CREB5: variants seen among roughly 807,000 people sequenced by gnomAD.
The protein encoded by CREB5 is cAMP responsive element binding protein 5, also known as cyclic AMP-responsive element-binding protein 5.
Under a neutral mutation model 57.1 loss-of-function variants are expected in CREB5, and 19 were observed. That is an observed-to-expected ratio of 0.33 (90% CI 0.23 to 0.49). The LOEUF (loss-of-function observed/expected upper bound fraction) is 0.49. CREB5 is among the 20% of genes least tolerant of loss of function. CREB5 has a pLI of 0.99. For missense variants in CREB5, 579 were observed against 671.6 expected, an observed-to-expected ratio of 0.86 and a Z score of 1.52; for synonymous variants, 238 against 238.3, an observed-to-expected ratio of 1.00 and a Z score of 0.01.
At chr7:28,818,297 A>G in intron 10 of CREB5, 118 bp downstream of exon 10, 1 of 698,562 alleles carries the variant, frequency 1.4e-6, no homozygotes, top group South Asian at 1.8e-5. Flanking sequence ...AGGCAGATAT[A>G]CAAGAATTCT....
At chr7:28,468,647 G>A (rs970303715) in intron 1 of CREB5, among the ~76,000 whole-genome samples, 10 of 152,142 alleles carry the variant, frequency 6.6e-5, no homozygotes, top group South Asian at 2.1e-4. Flanking sequence ...CACTCTCATC[G>A]TCTCCCTTGA....
At position 28,412,892 on chromosome 7, in the gene CREB5, T is replaced by A. The variant is rs1239809713; in HGVS notation, c.-23T>A. On this transcript the variant is annotated 5_prime_UTR_variant, in exon 1 of 11. In the 5' UTR this introduces an upstream ATG that the reference lacks. Coordinates refer to ENST00000357727, the MANE Select transcript of CREB5 (RefSeq NM_182898.4). Reference sequence around the variant, plus strand: ...TTTGGTGACTGCAGGAAGCAACACGTTGCTGCTTTTATTCTACAGATAATG... The same window carrying A: ...TTTGGTGACTGCAGGAAGCAACACGATGCTGCTTTTATTCTACAGATAATG... 17 of 1,491,900 alleles carry A rather than the reference T, an allele frequency of 1.1e-5. No homozygotes were observed. Among genetic ancestry groups the A allele is most frequent in the Non-Finnish European group, 1.4e-5 (16 of 1,118,126 alleles). 92.4% of individuals were successfully genotyped at this position (1,491,900 alleles called of 1,614,324 possible). A position where few individuals can be genotyped will look rare whatever the true frequency, so the allele number is the denominator to read the frequency against.
At chr7:28,744,054 T>A (rs1804553456) in intron 7 of CREB5, among the ~76,000 whole-genome samples, 1 of 107,224 alleles carries the variant, frequency 9.3e-6, no homozygotes, top group African/African-American at 3.5e-5. Context: ...CCTGTGTCCA[T>A]GTGATCTCAT....
chr7:28,601,211 G>A (rs776679111), intron 5 of CREB5, among the ~76,000 whole-genome samples: 2 of 151,776 alleles, frequency 1.3e-5, no homozygotes, highest in Admixed American at 1.3e-4. Context: ...GTTAGCCTCA[G>A]TAGAATCTAT....
At chr7:28,408,865 C>G (rs1442367290), upstream of CREB5, among the ~76,000 whole-genome samples, 1 of 152,152 alleles carries the variant, frequency 6.6e-6, no homozygotes, top group Non-Finnish European at 1.5e-5. Flanking sequence ...CAAAAAGGAG[C>G]TGGACATCCT....
chr7:28,354,975 G>A (rs1359059368), intron 1 of CREB5, among the ~76,000 whole-genome samples: 1 of 152,144 alleles, frequency 6.6e-6, no homozygotes, highest in Non-Finnish European at 1.5e-5. Context: ...AAACCAATGG[G>A]GCCTAGCCAC....
In CREB5 at chr7:28,382,783, G is replaced by A. The variant is rs6979561; in HGVS notation, c.-25+83342G>A. 7.9e-3 allele frequency among the ~76,000 whole-genome samples: 1,205 copies of A among 151,856 alleles called. 15 individuals carry two copies. The highest frequency in any genetic ancestry group is 0.028 in the African/African-American group (1,155 of 41,362). On this transcript the variant is annotated intron_variant, in intron 1 of 9. Coordinates refer to the CREB5 transcript ENST00000396299. ...TCAAACCACATACTTGTCAGATAAA[G>A]GGGTCATGATACTCACCTGGCAGCA...
chr7:28,299,708 G>A, intron 1 of CREB5, among the ~76,000 whole-genome samples: 1 of 152,234 alleles, frequency 6.6e-6, no homozygotes, highest in East Asian at 1.9e-4. Flanking sequence ...CTTAGGAAGT[G>A]TTATTCACTA....
At chr7:28,558,743 G>A (rs1476235383) in intron 4 of CREB5, among the ~76,000 whole-genome samples, 2 of 152,168 alleles carry the variant, frequency 1.3e-5, no homozygotes, top group East Asian at 3.9e-4. Context: ...TATATCATTA[G>A]CAGCTTTCCA....
At position 28,326,209 on chromosome 7, in the gene CREB5, CTACCTAT is replaced by C. The variant is rs1480936357; in HGVS notation, c.-25+26769_-25+26775del. 1.0e-4 allele frequency among the ~76,000 whole-genome samples: 12 copies of C among 120,578 alleles called. No homozygotes were observed. The Middle Eastern group carries it at 0.015, about 149-fold the overall frequency. The allele number at this position is 120,578 out of a possible 152,430, so 79.1% of individuals were successfully genotyped here. On this transcript the variant is annotated intron_variant, in intron 1 of 9. Transcript: ENST00000396299. ...TCTATCTATCTATCTATCTATCTAT[CTACCTAT>C]CTATCTTGAAAAACATGAGTTCACA... is the stretch of plus-strand genomic sequence containing the variant.
intron 1 of CREB5, among the ~76,000 whole-genome samples, chr7:28,383,070 G>A (rs532099062): frequency 6.6e-6 from 1 of 152,270 alleles, no homozygotes; most frequent in East Asian, 1.9e-4. Context: ...GAGTGGTGTG[G>A]TGATGAAGGC....
At chr7:28,749,127 G>C (rs979847512) in intron 7 of CREB5, among the ~76,000 whole-genome samples, 1 of 152,186 alleles carries the variant, frequency 6.6e-6, no homozygotes, top group African/African-American at 2.4e-5. Flanking sequence ...TTCTCTGAGT[G>C]TTTCAGCATC....
intron 5 of CREB5, among the ~76,000 whole-genome samples, chr7:28,657,468 T>C (rs961689268): frequency 6.6e-6 from 1 of 152,114 alleles, no homozygotes; most frequent in Non-Finnish European, 1.5e-5. Context: ...TTGTGGCTCA[T>C]GCCTGTAATC....
intron 1 of CREB5, among the ~76,000 whole-genome samples, chr7:28,447,562 G>A (rs1407460423): frequency 3.3e-5 from 5 of 152,168 alleles, no homozygotes; most frequent in African/African-American, 4.8e-5. Flanking sequence ...AGCAGTACCC[G>A]AGAATGTTCA....
At chr7:28,647,160 C>T (rs538239649) in intron 5 of CREB5, among the ~76,000 whole-genome samples, 1 of 151,480 alleles carries the variant, frequency 6.6e-6, no homozygotes, top group African/African-American at 2.4e-5. Flanking sequence ...CTCCAGATGA[C>T]CAGCAGTGAT....
At chr7:28,786,314 T>G (rs1807322694) in intron 7 of CREB5, among the ~76,000 whole-genome samples, 2 of 152,150 alleles carry the variant, frequency 1.3e-5, no homozygotes, top group South Asian at 4.1e-4. Flanking sequence ...TGACACAATC[T>G]CGGGTTACTG....
intron 1 of CREB5, among the ~76,000 whole-genome samples, chr7:28,348,193 A>T (rs1341788599): frequency 2.0e-5 from 3 of 152,212 alleles, no homozygotes; most frequent in Non-Finnish European, 4.4e-5. Context: ...CCACAAGGGC[A>T]GAAGGAGGTC....
intron 5 of CREB5, among the ~76,000 whole-genome samples, chr7:28,571,350 C>T (rs1011499557): frequency 3.3e-5 from 5 of 152,324 alleles, no homozygotes; most frequent in Admixed American, 6.5e-5. Context: ...TCTGCTTATT[C>T]TTCCCTGCTT....
rs1809705421 is a variant in CREB5 at position 28,820,537 on chromosome 7, C to T, written c.*1258C>T. 1 of 152,474 alleles carries T rather than the reference C, an allele frequency of 6.6e-6. No homozygotes were observed. Among genetic ancestry groups the T allele is most frequent in the Non-Finnish European group, 1.5e-5 (1 of 68,000 alleles). 9.4% of individuals were successfully genotyped at this position (152,474 alleles called of 1,614,324 possible). ...GTGTTTCCATAGGGGCACTTTTAGC[C>T]TTCCCACAACAGTTAAGCACTCTTT... On this transcript the variant is annotated 3_prime_UTR_variant, in exon 11 of 11. Transcript: ENST00000357727.
Sources: allele counts gnomAD v4.1 joint callset (sites outside exome capture counted in the v4.1 genomes callset), GRCh38; gene constraint gnomAD v4.1.1; transcripts MANE v1.5; gene names NCBI Gene and HGNC (gene_info 2026-07-23, HGNC 2026-07-21).